The following WDR45B variants were observed in gnomAD, a reference collection of about 807,000 sequenced individuals.
The protein encoded by WDR45B is WD repeat domain 45B.
WDR45B carries 20 observed loss-of-function variants against 44.6 expected under a neutral mutation model. The observed-to-expected ratio is 0.45, with a 90% CI of 0.32 to 0.65. The LOEUF is 0.65. WDR45B is among the 30% of genes least tolerant of loss of function. WDR45B has a pLI of 0.05. For missense variants in WDR45B, 323 were observed against 430.2 expected, an observed-to-expected ratio of 0.75 and a Z score of 2.20; for synonymous variants, 169 against 164.9, an observed-to-expected ratio of 1.02 and a Z score of -0.19.
rs748148083 is a variant in WDR45B at position 82,619,094 on chromosome 17, C to T, written c.653G>A (p.Gly218Glu). The T allele has an allele frequency of 1.6e-5, 26 of 1,614,046 alleles. No homozygotes were observed. The highest frequency in any genetic ancestry group is 2.1e-5 in the Non-Finnish European group (25 of 1,180,042). ...TLIRIFDTSSGHLIQELRRGS... is the reference protein window; with the variant it reads ...TLIRIFDTSSEHLIQELRRGS... ...TCTTCGCAGTTCCTGGATTAAATGC[C>T]CTGATGAAGTATCAAATATTCTTAT... The change falls in exon 7 of 10, where the codon GGG (glycine) becomes GAG (glutamate). Residue 218 changes from glycine (G) to glutamate (E), a missense_variant. By Grantham distance (98) the Gly-to-Glu change is moderately conservative (BLOSUM62 -2). Transcript: ENST00000392325.
At position 82,615,831 on chromosome 17, in the gene WDR45B, G is replaced by T; in HGVS notation, c.*88C>A. 1 of 1,262,006 alleles carries T rather than the reference G, an allele frequency of 7.9e-7. No individual in the cohort carries two copies. Among genetic ancestry groups the T allele is most frequent in the Non-Finnish European group, 1.2e-6 (1 of 864,230 alleles). The allele number at this position is 1,262,006 out of a possible 1,614,324, so 78.2% of individuals were successfully genotyped here. On this transcript the variant is annotated 3_prime_UTR_variant, in exon 10 of 10. Coordinates refer to ENST00000392325, the MANE Select transcript of WDR45B (RefSeq NM_019613.4). The stretch of plus-strand genomic sequence containing the variant: ...GGTCCCTGGGCAGCCCCTCCAGCCC[G>T]TGGCCCAGGAGGCCCCTGGGGCACT...
intron 1 of WDR45B, among the ~76,000 whole-genome samples, chr17:82,646,488 C>CAAAAAAAAAA (rs779661551): frequency 2.5e-4 from 5 of 19,938 alleles, no homozygotes; most frequent in South Asian, 2.5e-3. Context: ...AACTCCGTCT[C>CAAAAAAAAAA]AAAAAAAAAA....
chr17:82,630,084 C>A lies in WDR45B; in HGVS notation c.244+837G>T, dbSNP rs867632013. The A allele has an allele frequency of 5.4e-5, 38 of 708,650 alleles. No individual in the cohort carries two copies. The East Asian group carries it at 1.7e-3, about 33-fold the overall frequency. The allele number at this position is 708,650 out of a possible 1,614,324, so 43.9% of individuals were successfully genotyped here. A position where few individuals can be genotyped will look rare whatever the true frequency, so the allele number is the denominator to read the frequency against. On this transcript the variant is annotated intron_variant, in intron 3 of 9. Transcript: ENST00000392325. ...TTCTCAGGCCTCCTCCCGCCTGGCA[C>A]TGGGCTCAGACGAGGATGCTTGCTC...
In WDR45B at chr17:82,617,349, G is replaced by A. The variant is rs200184995; in HGVS notation, c.753C>T (p.His251=). Residue 251 remains histidine (H), a synonymous_variant, in exon 8 of 10, where the codon CAC becomes CAT. Transcript: ENST00000392325. ...CAGCTGCAAAAATATGCACTGTGCC[G>A]TGGTCGCTGGATACGCAGATGAGGG... ...DASLICVSSD[H]GTVHIFAAED... 2.5e-5 allele frequency: 40 copies of A among 1,614,050 alleles called. No individual in the cohort carries two copies. Among genetic ancestry groups the A allele is most frequent in the Admixed American group, 6.7e-5 (4 of 60,006 alleles).
At chr17:82,639,519 C>T (rs1281234755) in intron 2 of WDR45B, among the ~76,000 whole-genome samples, 2 of 151,612 alleles carry the variant, frequency 1.3e-5, no homozygotes, top group Non-Finnish European at 2.9e-5. Flanking sequence ...CTGTGTCCTC[C>T]CCACCCGCAG....
At chr17:82,634,868 G>T (rs972583724) in intron 2 of WDR45B, among the ~76,000 whole-genome samples, 23 of 151,990 alleles carry the variant, frequency 1.5e-4, no homozygotes, top group Non-Finnish European at 1.2e-4. Flanking sequence ...TACCCGGCCT[G>T]AAGTTCTGAC....
chr17:82,644,217 T>C, intron 1 of WDR45B, 194 bp from the exon 2 acceptor site: 1 of 645,718 alleles, frequency 1.5e-6, no homozygotes, highest in Non-Finnish European at 2.8e-6. Context: ...GGGCATTTTG[T>C]TTGTCCTTTA....
At chr17:82,625,294 T>G (rs74719640) in intron 5 of WDR45B, 95 bp downstream of exon 5, 61 of 1,276,046 alleles carry the variant, frequency 4.8e-5, no homozygotes, top group Non-Finnish European at 7.0e-5. Context: ...CGCCAAGCAC[T>G]TTGCTCAGAG....
chr17:82,624,897 A>G (rs904650893), intron 5 of WDR45B, among the ~76,000 whole-genome samples: 6 of 149,596 alleles, frequency 4.0e-5, no homozygotes, highest in Non-Finnish European at 7.4e-5. Context: ...GGATTACAGG[A>G]GTGAGCCACC....
intron 8 of WDR45B, among the ~76,000 whole-genome samples, chr17:82,616,962 C>G (rs1220772242): frequency 1.3e-5 from 2 of 152,240 alleles, no homozygotes; most frequent in Non-Finnish European, 2.9e-5. Context: ...GGACTACAGG[C>G]ACCCGCCACC....
intron 2 of WDR45B, among the ~76,000 whole-genome samples, chr17:82,633,189 G>A (rs562871127): frequency 3.0e-4 from 45 of 151,026 alleles, no homozygotes; most frequent in Admixed American, 9.9e-4. Context: ...AAACCAGCAC[G>A]GGCAATGTGC....
chr17:82,620,817 T>C (rs2045605227), intron 6 of WDR45B, among the ~76,000 whole-genome samples: 1 of 152,216 alleles, frequency 6.6e-6, no homozygotes, highest in South Asian at 2.1e-4. Flanking sequence ...ACAGTTCTTC[T>C]GACCTCGCAA....
In WDR45B at chr17:82,646,163, G is replaced by GA. The variant is rs374420560; in HGVS notation, c.67+2110dup. On this transcript the variant is annotated intron_variant, in intron 1 of 9. Transcript: ENST00000392325. Reference sequence around the variant, plus strand: ...ATCTACAACTATACTCAACAATACGGAAAAAAAAAATCACAAACATGATGT... The same window carrying GA: ...ATCTACAACTATACTCAACAATACGGAAAAAAAAAAATCACAAACATGATGT... Among the ~76,000 whole-genome samples the GA allele has an allele frequency of 8.5e-3, 1,251 of 147,734 alleles. 15 individuals are homozygous for GA. Among genetic ancestry groups the GA allele is most frequent in the African/African-American group, 0.028 (1,108 of 40,132 alleles).
chr17:82,618,465 A>G (rs2045569714), intron 7 of WDR45B, among the ~76,000 whole-genome samples: 2 of 152,188 alleles, frequency 1.3e-5, no homozygotes, highest in African/African-American at 2.4e-5. Context: ...CCTTAAACAC[A>G]AGCCAGAGCG....
chr17:82,629,251 G>A (rs1295596413), intron 3 of WDR45B, among the ~76,000 whole-genome samples: 1 of 152,162 alleles, frequency 6.6e-6, no homozygotes, highest in Non-Finnish European at 1.5e-5. Flanking sequence ...CGGCCCTCTA[G>A]GCCTCCTGAC....
intron 7 of WDR45B, among the ~76,000 whole-genome samples, chr17:82,618,774 A>C (rs751153654): frequency 1.2e-4 from 18 of 152,292 alleles, no homozygotes; most frequent in Admixed American, 2.0e-4. Flanking sequence ...AAACCCACCA[A>C]CAACAAAAAC....
chr17:82,626,942 G>A, intron 4 of WDR45B: 1 of 533,898 alleles, frequency 1.9e-6, no homozygotes. Flanking sequence ...ACCACGGTGA[G>A]ACCCACTGGC....
chr17:82,646,269 T>A (rs2045974081), intron 1 of WDR45B, among the ~76,000 whole-genome samples: 1 of 151,078 alleles, frequency 6.6e-6, no homozygotes, highest in African/African-American at 2.4e-5. Context: ...GGTGGGCGGA[T>A]CACCTGAGGT....
chr17:82,634,475 G>A (rs1195046240), intron 2 of WDR45B, among the ~76,000 whole-genome samples: 2 of 150,366 alleles, frequency 1.3e-5, no homozygotes, highest in East Asian at 3.9e-4. Flanking sequence ...CTGGGCGACA[G>A]GGCGAGACTC....
Sources: gnomAD v4.1 joint callset for allele counts (sites outside exome capture counted in the v4.1 genomes callset) on GRCh38, gnomAD v4.1.1 for gene constraint, MANE v1.5 for transcripts, NCBI Gene and HGNC (gene_info 2026-07-23, HGNC 2026-07-21) for gene names.